The following DEFB119 variants were observed in gnomAD, a reference collection of about 807,000 sequenced individuals.
DEFB119 encodes the protein beta-defensin 119.
DEFB119 carries 3 observed loss-of-function variants against 2.5 expected under a neutral mutation model. That is an observed-to-expected ratio of 1.19 (90% CI 0.54 to 3.07). The LOEUF (loss-of-function observed/expected upper bound fraction) is 3.07. Ranked by LOEUF, DEFB119 falls within the 30% of genes most tolerant of loss-of-function variation. The pLI, the probability that DEFB119 is intolerant of heterozygous loss-of-function variation, is 0.03. For synonymous variants in DEFB119, 29 were observed against 33.7 expected, an observed-to-expected ratio of 0.86 and a Z score of 0.48; for missense variants, 113 against 101.1, an observed-to-expected ratio of 1.12 and a Z score of -0.50.
At chr20:31,379,546 T>C (rs1436311776) in intron 1 of DEFB119, among the ~76,000 whole-genome samples, 2 of 152,136 alleles carry the variant, frequency 1.3e-5, no homozygotes, top group East Asian at 3.9e-4. Context: ...CAGGCTGCAG[T>C]GCAGTGGTGT....
rs1986787274 is a variant in DEFB119 at position 31,388,260 on chromosome 20, A to G, written c.61+2163T>C. On this transcript the variant is annotated intron_variant, in intron 1 of 1. Coordinates refer to ENST00000376321, the MANE Select transcript of DEFB119 (RefSeq NM_153289.4). Reference sequence around the variant, plus strand: ...AACACAGTTGGAAGGCACACAGTTCATATTTCATAAATCCTTGAATAAATC... The same window carrying G: ...AACACAGTTGGAAGGCACACAGTTCGTATTTCATAAATCCTTGAATAAATC... The G allele has an allele frequency of 9.1e-6, 9 of 985,418 alleles. No individual in the cohort carries two copies. The South Asian group carries it at 3.8e-4, about 41-fold the overall frequency. 61.0% of individuals were successfully genotyped at this position (985,418 alleles called of 1,614,324 possible).
At chr20:31,389,143 C>T in intron 1 of DEFB119, 1 of 1,614,226 alleles carries the variant, frequency 6.2e-7, no homozygotes, top group Non-Finnish European at 8.5e-7. Context: ...ACTAGGAACA[C>T]AGCACCGTTT....
intron 1 of DEFB119, among the ~76,000 whole-genome samples, chr20:31,389,585 A>C (rs930375269): frequency 2.0e-5 from 3 of 152,092 alleles, no homozygotes; most frequent in African/African-American, 7.2e-5. Context: ...CACCTGTAAT[A>C]TTAGGGAACG....
chr20:31,380,803 A>G (rs1986478554), intron 1 of DEFB119, among the ~76,000 whole-genome samples: 1 of 151,562 alleles, frequency 6.6e-6, no homozygotes, highest in Admixed American at 6.6e-5. Context: ...CTCCACCAAG[A>G]CCACACAATC....
intron 1 of DEFB119, among the ~76,000 whole-genome samples, chr20:31,379,280 C>T (rs898714697): frequency 2.6e-5 from 4 of 152,016 alleles, no homozygotes; most frequent in African/African-American, 9.7e-5. Flanking sequence ...GTTGAGTGGG[C>T]CTAAACTAAG....
intron 1 of DEFB119, chr20:31,387,941 A>G: frequency 1.6e-6 from 1 of 630,884 alleles, no homozygotes; most frequent in Non-Finnish European, 2.0e-6. Context: ...AGCTGAGAGC[A>G]AATAGTCTTC....
At chr20:31,378,654 T>C (rs1986392476) in intron 1 of DEFB119, among the ~76,000 whole-genome samples, 1 of 152,226 alleles carries the variant, frequency 6.6e-6, no homozygotes, top group South Asian at 2.1e-4. Flanking sequence ...ATGTGTCTGC[T>C]GAGGGCCATT....
Position 31,390,528 on chromosome 20 carries a change from G to T in DEFB119, c.-45C>A. ...AGGAGGTGGCTGAGCTGCAGGGGAA[G>T]GAAATAGGGTTCCCTGCAGCACGGC... On this transcript the variant is annotated 5_prime_UTR_variant, in exon 1 of 2. Transcript: ENST00000376321. 1 of 1,586,930 alleles carries T rather than the reference G, an allele frequency of 6.3e-7. No homozygotes were observed. The highest frequency in any genetic ancestry group is 8.6e-7 in the Non-Finnish European group (1 of 1,158,792).
At chr20:31,386,245 G>T (rs1041144111) in intron 1 of DEFB119, among the ~76,000 whole-genome samples, 1 of 152,150 alleles carries the variant, frequency 6.6e-6, no homozygotes, top group Non-Finnish European at 1.5e-5. Context: ...GAGAAAACCT[G>T]GGGGCAGGGA....
chr20:31,384,310 G>T (rs1472497671), intron 1 of DEFB119, among the ~76,000 whole-genome samples: 1 of 152,134 alleles, frequency 6.6e-6, no homozygotes, highest in East Asian at 1.9e-4. Flanking sequence ...GTAATACAAA[G>T]AAGAGATAAG....
At chr20:31,385,962 C>T (rs748739961) in intron 1 of DEFB119, among the ~76,000 whole-genome samples, 2 of 151,906 alleles carry the variant, frequency 1.3e-5, no homozygotes, top group South Asian at 2.1e-4. Context: ...GATGAGAAGG[C>T]GTTCATCACA....
intron 1 of DEFB119, chr20:31,388,864 C>T: frequency 1.5e-6 from 2 of 1,303,918 alleles, no homozygotes; most frequent in Non-Finnish European, 2.1e-6. Flanking sequence ...CGCTATGACC[C>T]AGCCCTAGTG....
intron 1 of DEFB119, chr20:31,387,988 C>T: frequency 1.2e-6 from 1 of 861,938 alleles, no homozygotes; most frequent in African/African-American, 1.8e-5. Context: ...TGTCTCTATG[C>T]CATGAACCAT....
chr20:31,388,855 G>A (rs754737390), intron 1 of DEFB119: 76 of 1,208,206 alleles, frequency 6.3e-5, no homozygotes, highest in Non-Finnish European at 8.0e-5. Flanking sequence ...TCACACCATC[G>A]CTATGACCCA....
chr20:31,389,162 G>A (rs111324716), intron 1 of DEFB119: 103 of 1,614,138 alleles, frequency 6.4e-5, no homozygotes, highest in Non-Finnish European at 4.4e-5. Flanking sequence ...TTACGATTTC[G>A]GCAGCGTATG....
chr20:31,385,037 T>G (rs1427086229), intron 1 of DEFB119, among the ~76,000 whole-genome samples: 2 of 152,168 alleles, frequency 1.3e-5, no homozygotes, highest in African/African-American at 4.8e-5. Context: ...TTAATCAGAA[T>G]GAATGTGAAT....
At chr20:31,381,590 A>T (rs889994611) in intron 1 of DEFB119, among the ~76,000 whole-genome samples, 17 of 152,222 alleles carry the variant, frequency 1.1e-4, no homozygotes, top group African/African-American at 2.9e-4. Context: ...AGGCGGGAAG[A>T]TCACTTGAGC....
At chr20:31,385,724 G>A (rs1251206833) in intron 1 of DEFB119, among the ~76,000 whole-genome samples, 1 of 152,066 alleles carries the variant, frequency 6.6e-6, no homozygotes, top group African/African-American at 2.4e-5. Context: ...AGAAAAATTA[G>A]CCAGGCATGG....
intron 1 of DEFB119, chr20:31,388,127 A>T: frequency 2.0e-6 from 2 of 985,380 alleles, no homozygotes; most frequent in Non-Finnish European, 2.4e-6. Context: ...AGACACCCAG[A>T]TTCTCTAGAT....
Sources: allele counts gnomAD v4.1 joint callset (sites outside exome capture counted in the v4.1 genomes callset), GRCh38; gene constraint gnomAD v4.1.1; transcripts MANE v1.5; gene names NCBI Gene and HGNC (gene_info 2026-07-23, HGNC 2026-07-21).